Variants in F13A1 observed in about 807,000 individuals in gnomAD.
F13A1 encodes the protein FSF, A subunit.
F13A1 carries 47 observed loss-of-function variants against 80.1 expected under a neutral mutation model. The observed-to-expected ratio is 0.59, with a 90% CI of 0.46 to 0.75. The LOEUF is 0.75. Ranked by LOEUF, F13A1 falls within the 30% of genes least tolerant of loss-of-function variation. The pLI, the probability that F13A1 is intolerant of heterozygous loss-of-function variation, is 0.00. For missense variants in F13A1, 817 were observed against 930.4 expected, an observed-to-expected ratio of 0.88 and a Z score of 1.59; for synonymous variants, 349 against 344.9, an observed-to-expected ratio of 1.01 and a Z score of -0.13.
chr6:6,174,689 G>T lies in F13A1; in HGVS notation c.1638C>A (p.Asn546Lys). The T allele has an allele frequency of 6.2e-7, 1 of 1,614,176 alleles. No individual in the cohort carries two copies. Among genetic ancestry groups the T allele is most frequent in the East Asian group, 2.2e-5 (1 of 44,876 alleles). The part of the protein sequence containing the change: ...LSITFRNNSH[N>K]RYTITAYLSA... ...AGAGATAAGCTGTGATGGTGTAACG[G>T]TTGTGGCTGTTGTTCCGGAAGGTGA... The change falls in exon 12 of 15, where the codon AAC becomes AAA. Residue 546 changes from asparagine to lysine, a missense_variant. Asn to Lys is a moderately conservative substitution (Grantham distance 94, BLOSUM62 0). Transcript: ENST00000264870.
At chr6:6,249,305 A>T (rs937158011) in intron 5 of F13A1, among the ~76,000 whole-genome samples, 11 of 152,254 alleles carry the variant, frequency 7.2e-5, no homozygotes, top group Non-Finnish European at 1.6e-4. Flanking sequence ...GGATGGATGC[A>T]GTAATGGGTA....
chr6:6,302,227 C>T (rs1166098542), intron 3 of F13A1, among the ~76,000 whole-genome samples: 1 of 152,136 alleles, frequency 6.6e-6, no homozygotes, highest in African/African-American at 2.4e-5. Context: ...GGAGATAAAA[C>T]TTCCCTCATA....
intron 4 of F13A1, among the ~76,000 whole-genome samples, chr6:6,257,177 T>G (rs1757714121): frequency 6.6e-6 from 1 of 152,158 alleles, no homozygotes; most frequent in Non-Finnish European, 1.5e-5. Context: ...AGTGGCTTGA[T>G]CTGCAGAGCA....
At chr6:6,280,289 C>A (rs1353960122) in intron 3 of F13A1, among the ~76,000 whole-genome samples, 1 of 152,060 alleles carries the variant, frequency 6.6e-6, no homozygotes, top group African/African-American at 2.4e-5. Flanking sequence ...ATTAAATACG[C>A]AAGTTTAGAC....
intron 10 of F13A1, among the ~76,000 whole-genome samples, chr6:6,188,324 A>G (rs1761118169): frequency 6.8e-6 from 1 of 146,548 alleles, no homozygotes. Context: ...TAGGGTGTCA[A>G]TTTTGGATCT....
chr6:6,175,771 G>A (rs186844324), intron 11 of F13A1, among the ~76,000 whole-genome samples: 12 of 152,356 alleles, frequency 7.9e-5, no homozygotes, highest in African/African-American at 1.4e-4. Context: ...AATGCAGTTC[G>A]AGGTGTGTGT....
In F13A1 at chr6:6,270,089, C is replaced by T. The variant is rs149884340; in HGVS notation, c.320-3280G>A. Among the ~76,000 whole-genome samples, 129 of 152,250 alleles carry T rather than the reference C, an allele frequency of 8.5e-4. 1 individual carries two copies. In the East Asian group the frequency reaches 0.014, roughly 17 times the overall value. ...GTGTATTATTGTGCTACAATACAAC[C>T]CTACTCTTGTAAGAGCAGAGTTGAG... On this transcript the variant is annotated intron_variant, in intron 3 of 14. Transcript: ENST00000264870.
At chr6:6,174,554 A>G in intron 12 of F13A1, 26 bp downstream of exon 12, 1 of 1,613,860 alleles carries the variant, frequency 6.2e-7, no homozygotes, top group South Asian at 1.1e-5. Context: ...CGAGTCTCAG[A>G]AAGAACCACA....
intron 6 of F13A1, among the ~76,000 whole-genome samples, chr6:6,233,064 C>A (rs567710354): frequency 6.6e-6 from 1 of 151,984 alleles, no homozygotes; most frequent in Non-Finnish European, 1.5e-5. Flanking sequence ...CAAGAACAAA[C>A]AAAACCCTAA....
intron 14 of F13A1, among the ~76,000 whole-genome samples, chr6:6,147,326 C>T (rs1434865746): frequency 9.2e-5 from 14 of 152,124 alleles, no homozygotes; most frequent in African/African-American, 3.1e-4. Context: ...GAAGAAAAGG[C>T]TTTTTCTGAC....
intron 12 of F13A1, 24 bp from the exon 13 acceptor site, chr6:6,167,642 G>A (rs764336459): frequency 1.9e-6 from 3 of 1,611,806 alleles, no homozygotes; most frequent in Non-Finnish European, 1.7e-6. Context: ...ACACACACAG[G>A]CCTGGCATCA....
chr6:6,259,107 T>C (rs189375244), intron 4 of F13A1, among the ~76,000 whole-genome samples: 9 of 152,342 alleles, frequency 5.9e-5, no homozygotes, highest in Admixed American at 3.3e-4. Context: ...AATGAATACA[T>C]AATACTGTCG....
At chr6:6,218,569 C>T (rs1039094561) in intron 8 of F13A1, among the ~76,000 whole-genome samples, 2 of 152,166 alleles carry the variant, frequency 1.3e-5, no homozygotes, top group African/African-American at 4.8e-5. Context: ...ATTACTCTGC[C>T]CTGCTCTGCC....
In F13A1 at chr6:6,190,906, G is replaced by T. The variant is rs372429546; in HGVS notation, c.1305+4891C>A. 2.6e-3 allele frequency among the ~76,000 whole-genome samples: 389 copies of T among 152,134 alleles called. 3 individuals are homozygous for T. Among genetic ancestry groups the T allele is most frequent in the African/African-American group, 9.1e-3 (377 of 41,496 alleles). On this transcript the variant is annotated intron_variant, in intron 10 of 14. Coordinates refer to ENST00000264870, the MANE Select transcript of F13A1 (RefSeq NM_000129.4). The stretch of plus-strand genomic sequence containing the variant: ...GTGGGCGTAGGACCCTCCGAGCCAG[G>T]TGCGGGATATAATCTCGTGGTGCGC...
chr6:6,181,927 C>A, intron 11 of F13A1, 61 bp downstream of exon 11: 1 of 1,576,594 alleles, frequency 6.3e-7, no homozygotes, highest in Non-Finnish European at 8.7e-7. Context: ...CTCTGAGTGA[C>A]AATGAATAAG....
At chr6:6,289,578 T>G (rs186473000) in intron 3 of F13A1, among the ~76,000 whole-genome samples, 169 of 151,950 alleles carry the variant, frequency 1.1e-3, no homozygotes, top group African/African-American at 3.3e-3. Context: ...TTAGTGAGAT[T>G]TTTTTCCCCC....
chr6:6,247,445 T>C (rs11962943), intron 6 of F13A1, among the ~76,000 whole-genome samples: 11,064 of 152,216 alleles, frequency 0.073, 1,362 homozygotes, highest in African/African-American at 0.25. Context: ...TTCAGCCAGA[T>C]TGGGTCTACT....
At chr6:6,167,659 G>C (rs762000974) in intron 12 of F13A1, 41 bp from the exon 13 acceptor site, 9 of 1,608,106 alleles carry the variant, frequency 5.6e-6, no homozygotes, top group Non-Finnish European at 7.6e-6. Context: ...ATCAAGACTT[G>C]AGACAGGGTC....
chr6:6,209,541 T>A (rs1761563465), intron 8 of F13A1, among the ~76,000 whole-genome samples: 1 of 152,060 alleles, frequency 6.6e-6, no homozygotes, highest in South Asian at 2.1e-4. Flanking sequence ...ACATAAAAAC[T>A]TTTACCTGAA....
Sources: allele counts gnomAD v4.1 joint callset (sites outside exome capture counted in the v4.1 genomes callset), GRCh38; gene constraint gnomAD v4.1.1; transcripts MANE v1.5; gene names NCBI Gene and HGNC (gene_info 2026-07-23, HGNC 2026-07-21).